The following CENPP variants were observed in gnomAD, a reference collection of about 807,000 sequenced individuals.
CENPP encodes centromere protein P.
A neutral mutation model predicts 35.6 loss-of-function variants in CENPP; 24 were observed. The ratio of observed to expected loss-of-function variants is 0.67; its 90% confidence interval spans 0.49 to 0.95. The LOEUF is 0.95. CENPP is among the 40% of genes least tolerant of loss of function. The pLI is 0.00. For missense variants in CENPP, 332 were observed against 345.3 expected, an observed-to-expected ratio of 0.96 and a Z score of 0.31; for synonymous variants, 120 against 125.5, an observed-to-expected ratio of 0.96 and a Z score of 0.29.
At chr9:92,580,639 G>A (rs1237687236) in intron 5 of CENPP, among the ~76,000 whole-genome samples, 9 of 148,126 alleles carry the variant, frequency 6.1e-5, no homozygotes, top group East Asian at 3.9e-4. Flanking sequence ...CTGTGGGATC[G>A]GTGGTGATAT....
chr9:92,487,283 A>G (rs1846082159), intron 5 of CENPP, among the ~76,000 whole-genome samples: 1 of 152,214 alleles, frequency 6.6e-6, no homozygotes, highest in Non-Finnish European at 1.5e-5. Context: ...ATGGCCCACA[A>G]CAGGTCTGGG....
chr9:92,346,913 T>C (rs1319715175), intron 4 of CENPP, among the ~76,000 whole-genome samples: 1 of 152,060 alleles, frequency 6.6e-6, no homozygotes, highest in East Asian at 1.9e-4. Context: ...AAGAGGACCA[T>C]TGTCAGGTGA....
chr9:92,373,240 T>G (rs1842049706), intron 4 of CENPP, among the ~76,000 whole-genome samples: 2 of 151,976 alleles, frequency 1.3e-5, no homozygotes, highest in African/African-American at 4.8e-5. Context: ...CTCTTTAACA[T>G]AGTGAGACCC....
chr9:92,533,325 AAAAATATATATATATATATATAT>A (rs1848954302), intron 5 of CENPP, among the ~76,000 whole-genome samples: 2 of 93,140 alleles, frequency 2.1e-5, no homozygotes, highest in African/African-American at 8.4e-5. Flanking sequence ...AAAAAAAAAA[AAAAATATATATATATATATATAT>A]ATATATATAT....
intron 5 of CENPP, among the ~76,000 whole-genome samples, chr9:92,420,292 C>A (rs1843748879): frequency 6.6e-6 from 1 of 152,232 alleles, no homozygotes; most frequent in Admixed American, 6.5e-5. Flanking sequence ...TACCTCCCAA[C>A]ATTGTCAGTT....
At chr9:92,329,764 G>C (rs1445198834) in intron 1 of CENPP, among the ~76,000 whole-genome samples, 1 of 152,058 alleles carries the variant, frequency 6.6e-6, no homozygotes, top group Non-Finnish European at 1.5e-5. Context: ...TAGACATGGG[G>C]TTTTACCATG....
chr9:92,611,143 G>A, intron 5 of CENPP, 171 bp from the exon 6 acceptor site: 1 of 642,642 alleles, frequency 1.6e-6, no homozygotes, highest in South Asian at 1.8e-5. Context: ...CCTACAGTGG[G>A]GCGGACGTGT....
intron 4 of CENPP, among the ~76,000 whole-genome samples, chr9:92,352,689 C>T (rs1244867813): frequency 2.4e-4 from 36 of 151,068 alleles, no homozygotes; most frequent in Admixed American, 2.4e-3. Context: ...GCATCCACCA[C>T]AGGAGAAAAA....
At chr9:92,567,367 A>AACAT (rs1564005429) in intron 5 of CENPP, among the ~76,000 whole-genome samples, 2 of 103,710 alleles carry the variant, frequency 1.9e-5, no homozygotes, top group African/African-American at 5.8e-5. Flanking sequence ...ACAGTTACAT[A>AACAT]AGATAGATAT....
At chr9:92,430,789 T>C (rs918960890) in intron 5 of CENPP, among the ~76,000 whole-genome samples, 2 of 152,046 alleles carry the variant, frequency 1.3e-5, no homozygotes, top group Admixed American at 6.6e-5. Flanking sequence ...TTGTTGTTGT[T>C]GTTTTGTTTT....
chr9:92,581,837 A>G (rs1850433117), intron 5 of CENPP, among the ~76,000 whole-genome samples: 1 of 152,238 alleles, frequency 6.6e-6, no homozygotes, highest in Admixed American at 6.5e-5. Context: ...TTTTTAAGCT[A>G]GCATTCAAAA....
intron 5 of CENPP, among the ~76,000 whole-genome samples, chr9:92,552,137 A>G (rs1163473600): frequency 6.9e-6 from 1 of 145,872 alleles, no homozygotes; most frequent in Non-Finnish European, 1.5e-5. Context: ...TCTATCATAT[A>G]TATGTGATAT....
At chr9:92,330,019 T>C (rs1452732650) in intron 1 of CENPP, among the ~76,000 whole-genome samples, 2 of 152,210 alleles carry the variant, frequency 1.3e-5, no homozygotes, top group Non-Finnish European at 2.9e-5. Flanking sequence ...AAGTCTTGGA[T>C]TCTCAGTGTG....
intron 5 of CENPP, among the ~76,000 whole-genome samples, chr9:92,397,245 A>G (rs1189820884): frequency 6.6e-6 from 1 of 152,126 alleles, no homozygotes; most frequent in Non-Finnish European, 1.5e-5. Context: ...TAACATAGCA[A>G]GATGTCCCAA....
At chr9:92,417,271 G>T (rs769740723) in intron 5 of CENPP, 5 of 1,614,094 alleles carry the variant, frequency 3.1e-6, no homozygotes, top group Non-Finnish European at 3.4e-6. Context: ...ACTGAAGGTA[G>T]AGTTGCTGAA....
intron 5 of CENPP, among the ~76,000 whole-genome samples, chr9:92,426,435 A>G (rs1843968868): frequency 6.6e-6 from 1 of 152,196 alleles, no homozygotes; most frequent in African/African-American, 2.4e-5. Context: ...CTGGACACCT[A>G]CTTTGTGCAG....
At chr9:92,537,511 T>G (rs902130066) in intron 5 of CENPP, among the ~76,000 whole-genome samples, 3 of 151,886 alleles carry the variant, frequency 2.0e-5, no homozygotes, top group African/African-American at 7.3e-5. Flanking sequence ...AGTACAAAAA[T>G]TAGCCGAGTA....
At chr9:92,325,801 G>A (rs971992063), upstream of CENPP, 7 of 545,378 alleles carry the variant, frequency 1.3e-5, no homozygotes, top group Non-Finnish European at 2.3e-5. Context: ...GCGGGGAAGT[G>A]GAGGACTCAG....
chr9:92,492,991 C>T (rs548432602), intron 5 of CENPP, among the ~76,000 whole-genome samples: 1 of 152,340 alleles, frequency 6.6e-6, no homozygotes, highest in South Asian at 2.1e-4. Context: ...CCCCACTGCA[C>T]TGGTGCTCAG....
Sources: allele counts gnomAD v4.1 joint callset (sites outside exome capture counted in the v4.1 genomes callset), GRCh38; gene constraint gnomAD v4.1.1; transcripts MANE v1.5; gene names NCBI Gene and HGNC (gene_info 2026-07-23, HGNC 2026-07-21).